KPNA6: variants seen among roughly 807,000 people sequenced by gnomAD.
KPNA6 encodes importin subunit alpha-7.
KPNA6 carries 9 observed loss-of-function variants against 72.0 expected under a neutral mutation model. The ratio of observed to expected loss-of-function variants is 0.13; its 90% CI spans 0.08 to 0.22. KPNA6 has a LOEUF of 0.22. Ranked by LOEUF, KPNA6 falls within the 10% of genes least tolerant of loss-of-function variation. KPNA6 has a pLI of 1.00. For missense variants in KPNA6, 374 were observed against 655.7 expected, an observed-to-expected ratio of 0.57 and a Z score of 4.69; for synonymous variants, 219 against 242.1, an observed-to-expected ratio of 0.90 and a Z score of 0.89.
chr1:32,116,479 A>G (rs1569988437), intron 1 of KPNA6, among the ~76,000 whole-genome samples: 1 of 151,934 alleles, frequency 6.6e-6, no homozygotes, highest in Non-Finnish European at 1.5e-5. Flanking sequence ...ACTAACATGG[A>G]GAAACCCTGT....
chr1:32,129,620 A>G (rs1277200302), intron 1 of KPNA6, among the ~76,000 whole-genome samples: 2 of 152,158 alleles, frequency 1.3e-5, no homozygotes, highest in Non-Finnish European at 1.5e-5. Context: ...CAGTAGCGCC[A>G]TCATAGCTCA....
chr1:32,158,158 T>A (rs1642176440), intron 4 of KPNA6, 109 bp from the exon 5 acceptor site: 1 of 668,738 alleles, frequency 1.5e-6, no homozygotes, highest in African/African-American at 1.8e-5. Flanking sequence ...AGTTTGGGAA[T>A]GTTTGTAAGG....
intron 1 of KPNA6, among the ~76,000 whole-genome samples, chr1:32,126,043 TTTTG>T (rs578144508): frequency 2.8e-4 from 43 of 151,814 alleles, no homozygotes; most frequent in East Asian, 1.5e-3. Context: ...TTTCTTTTTA[TTTTG>T]TTTGTTTGTT....
rs550333794 is a variant in KPNA6 at position 32,174,429 on chromosome 1, T to G, written c.*3535T>G. 1.4e-4 allele frequency: 22 copies of G among 152,350 alleles called. No individual in the cohort carries two copies. Among genetic ancestry groups the G allele is most frequent in the African/African-American group, 5.3e-4 (22 of 41,574 alleles). The allele number at this position is 152,350 out of a possible 1,614,324, so 9.4% of individuals were successfully genotyped here. On this transcript the variant is annotated 3_prime_UTR_variant, in exon 14 of 14. Transcript: ENST00000373625. ...CTAGCAGAATGAACTGTATTTCCAT[T>G]TCTTCATGTCTACCTGCCTTCCCCC... is the stretch of plus-strand genomic sequence containing the variant.
Position 32,120,727 on chromosome 1 carries a change from C to T in KPNA6, c.4+12593C>T, listed in dbSNP as rs149884641. Among the ~76,000 whole-genome samples, 1,459 of 151,416 alleles carry T rather than the reference C, an allele frequency of 9.6e-3. 3 individuals carry two copies. Among genetic ancestry groups the T allele is most frequent in the Non-Finnish European group, 0.011 (719 of 67,890 alleles). On this transcript the variant is annotated intron_variant, in intron 1 of 13. Transcript: ENST00000373625. ...GATTACAGGCGCCTGCCATCACACT[C>T]GGTTAATTTTTTGTATCTTTAGTAG...
rs949471705 is a variant in KPNA6 at position 32,172,525 on chromosome 1, C to T, written c.*1631C>T. 2 of 143,580 alleles carry T rather than the reference C, an allele frequency of 1.4e-5. No individual in the cohort carries two copies. The highest frequency in any genetic ancestry group is 3.0e-5 in the Non-Finnish European group (2 of 66,594). The allele number at this position is 143,580 out of a possible 1,614,324, so 8.9% of individuals were successfully genotyped here. ...TTTTTTTTTTTTTTTAGAGCTATTGCGTATCTTCCCTGTTTGGGATCCTTG... is the reference window on the plus strand; with the variant it reads ...TTTTTTTTTTTTTTTAGAGCTATTGTGTATCTTCCCTGTTTGGGATCCTTG... On this transcript the variant is annotated 3_prime_UTR_variant, in exon 14 of 14. Coordinates refer to ENST00000373625, the MANE Select transcript of KPNA6 (RefSeq NM_012316.5).
At chr1:32,131,520 T>G (rs567402694) in intron 1 of KPNA6, among the ~76,000 whole-genome samples, 10 of 151,446 alleles carry the variant, frequency 6.6e-5, no homozygotes, top group African/African-American at 2.4e-4. Context: ...ATTTAAAAAT[T>G]TAAAAAGACA....
rs201250016 is a variant in KPNA6 at position 32,134,092 on chromosome 1, A to T, written c.5-20496A>T. On this transcript the variant is annotated intron_variant, in intron 1 of 13. Coordinates refer to ENST00000373625, the MANE Select transcript of KPNA6 (RefSeq NM_012316.5). ...ACCTCGTCTCTACTAAAAATACAAA[A>T]TTTTTTTTTTTTTGTATTTAAAAAA... is the stretch of plus-strand genomic sequence containing the variant. Among the ~76,000 whole-genome samples, 253 of 143,004 alleles carry T rather than the reference A, an allele frequency of 1.8e-3. 4 individuals are homozygous for T. The East Asian group carries it at 0.044, about 25-fold the overall frequency. 93.8% of individuals were successfully genotyped at this position (143,004 alleles called of 152,430 possible). A position where few individuals can be genotyped will look rare whatever the true frequency, so the allele number is the denominator to read the frequency against.
At chr1:32,151,712 C>T (rs1202895766) in intron 1 of KPNA6, among the ~76,000 whole-genome samples, 1 of 152,170 alleles carries the variant, frequency 6.6e-6, no homozygotes, top group Non-Finnish European at 1.5e-5. Context: ...AATCACAATT[C>T]TGCATTGCTG....
In KPNA6 at chr1:32,134,383, A is replaced by G. The variant is rs1040781780; in HGVS notation, c.5-20205A>G. On this transcript the variant is annotated intron_variant, in intron 1 of 13. Transcript: ENST00000373625. ...CACTAAACCTGCAGTGACTTAGCCT[A>G]TGATCTTAGCACTTTAGGAGGCTGA... Among the ~76,000 whole-genome samples, 5 of 151,914 alleles carry G rather than the reference A, an allele frequency of 3.3e-5. No homozygotes were observed. The East Asian group carries it at 5.8e-4, about 18-fold the overall frequency.
intron 1 of KPNA6, among the ~76,000 whole-genome samples, chr1:32,142,171 G>A (rs1156389496): frequency 2.0e-5 from 3 of 148,652 alleles, no homozygotes; most frequent in Non-Finnish European, 4.4e-5. Flanking sequence ...CAGGAGGATC[G>A]CTTGAACCCC....
chr1:32,159,752 G>C (rs746127892), intron 6 of KPNA6, among the ~76,000 whole-genome samples: 1 of 152,294 alleles, frequency 6.6e-6, no homozygotes, highest in East Asian at 1.9e-4. Flanking sequence ...CTAGGTGTTA[G>C]AGTCAGAATT....
chr1:32,141,374 CCTTTTTTTTTTTTTTTTTTTTTTTTT>C (rs1641833554), intron 1 of KPNA6, among the ~76,000 whole-genome samples: 1 of 50,038 alleles, frequency 2.0e-5, no homozygotes, highest in Admixed American at 2.1e-4. Context: ...TTAAGTTAAT[CCTTTTTTTTTTTTTTTTTTTTTTTTT>C]TTTTTTTTTT....
At position 32,109,587 on chromosome 1, in the gene KPNA6, CTGTT is replaced by C. The variant is rs920497085; in HGVS notation, c.4+1459_4+1462del. ...AAAGTTGTAAATGTGTTTGGGTTTTCTGTTTGTTTATTTTGTTTTGTTTTGCTTT... is the reference window on the plus strand; with the variant it reads ...AAAGTTGTAAATGTGTTTGGGTTTTCTGTTTATTTTGTTTTGTTTTGCTTT... On this transcript the variant is annotated intron_variant, in intron 1 of 13. Transcript: ENST00000373625. Among the ~76,000 whole-genome samples, 10 of 150,908 alleles carry C rather than the reference CTGTT, an allele frequency of 6.6e-5. No homozygotes were observed. In the East Asian group the frequency reaches 9.7e-4, roughly 15 times the overall value.
chr1:32,170,618 A>G, intron 13 of KPNA6, 89 bp from the exon 14 acceptor site: 2 of 1,064,874 alleles, frequency 1.9e-6, no homozygotes, highest in South Asian at 1.4e-5. Context: ...AAGCACTAAC[A>G]TACCTCAGGG....
chr1:32,166,874 C>T (rs931324009), intron 11 of KPNA6, among the ~76,000 whole-genome samples: 2 of 143,726 alleles, frequency 1.4e-5, no homozygotes, highest in Non-Finnish European at 3.0e-5. Context: ...GTAGGTGGAG[C>T]TTGCAGTGAG....
chr1:32,117,266 G>A (rs1356468022), intron 1 of KPNA6, among the ~76,000 whole-genome samples: 2 of 151,008 alleles, frequency 1.3e-5, no homozygotes, highest in African/African-American at 2.4e-5. Flanking sequence ...TCCACCCTCC[G>A]GGTTCAAATG....
rs1004993893 is a variant in KPNA6, at chr1:32,171,768, A to G, written c.*874A>G. The G allele has an allele frequency of 2.0e-5, 3 of 152,276 alleles. No homozygotes were observed. Among genetic ancestry groups the G allele is most frequent in the Non-Finnish European group, 4.4e-5 (3 of 68,024 alleles). 9.4% of individuals were successfully genotyped at this position (152,276 alleles called of 1,614,324 possible). On this transcript the variant is annotated 3_prime_UTR_variant, in exon 14 of 14. Transcript: ENST00000373625. ...ACTCACCTTCCAAATGGTGCGACCC[A>G]ACTTCATTTGTTTACTTGAAAATTC...
chr1:32,111,577 T>C (rs1320009030), intron 1 of KPNA6, among the ~76,000 whole-genome samples: 1 of 152,190 alleles, frequency 6.6e-6, no homozygotes, highest in Non-Finnish European at 1.5e-5. Context: ...TCTTGGGTTA[T>C]CTCCATTTAC....
Sources: gnomAD v4.1 joint callset for allele counts (sites outside exome capture counted in the v4.1 genomes callset) on GRCh38, gnomAD v4.1.1 for gene constraint, MANE v1.5 for transcripts, NCBI Gene and HGNC (gene_info 2026-07-23, HGNC 2026-07-21) for gene names.